The following TMEM178B variants were observed in gnomAD, a reference collection of about 807,000 sequenced individuals.
TMEM178B encodes the protein transmembrane protein 178B.
Under a neutral mutation model 31.0 loss-of-function variants are expected in TMEM178B, and 5 were observed. That is an observed-to-expected ratio of 0.16 (90% CI 0.08 to 0.34). The LOEUF (loss-of-function observed/expected upper bound fraction) is 0.34. TMEM178B is among the 10% of genes least tolerant of loss of function. The pLI is 1.00. For synonymous variants in TMEM178B, 164 were observed against 164.0 expected (o/e 1.00, Z 0.00); for missense variants, 275 against 400.3 (o/e 0.69, Z 2.67).
the TMEM178B span, among the ~76,000 whole-genome samples, chr7:141,503,962 G>C: frequency 4.6e-5 from 7 of 152,184 alleles, no homozygotes; most frequent in Non-Finnish European, 5.9e-5. Context: ...GACTTCAACT[G>C]TTCTCAACAG....
At chr7:141,247,228 C>CAA (rs1436269243) in intron 2 of TMEM178B, among the ~76,000 whole-genome samples, 1 of 144,890 alleles carries the variant, frequency 6.9e-6, no homozygotes, top group African/African-American at 2.6e-5. Flanking sequence ...CACACACACA[C>CAA]AATTCAAATC....
At chr7:141,315,818 C>T (rs1247710263) in intron 2 of TMEM178B, among the ~76,000 whole-genome samples, 1 of 152,174 alleles carries the variant, frequency 6.6e-6, no homozygotes, top group Non-Finnish European at 1.5e-5. Context: ...GGACTTCTAC[C>T]TTATTTTAAT....
chr7:141,473,718 T>G lies in TMEM178B; in HGVS notation c.*2932T>G, dbSNP rs531009408. ...TGACTTCTTTGATAGCAGGACCAGA[T>G]AAATACGAACACACTTTGGGATCTG... is the stretch of plus-strand genomic sequence containing the variant. On this transcript the variant is annotated 3_prime_UTR_variant, in exon 4 of 4. Coordinates refer to ENST00000565468, the MANE Select transcript of TMEM178B (RefSeq NM_001195278.2). 1 of 152,288 alleles carries G rather than the reference T, an allele frequency of 6.6e-6. No individual in the cohort carries two copies. The highest frequency in any genetic ancestry group is 2.1e-4 in the South Asian group (1 of 4,816). 9.4% of individuals were successfully genotyped at this position (152,288 alleles called of 1,614,324 possible). A position where few individuals can be genotyped will look rare whatever the true frequency, so the allele number is the denominator to read the frequency against.
At chr7:141,141,380 A>G (rs1331555372) in intron 1 of TMEM178B, among the ~76,000 whole-genome samples, 1 of 152,066 alleles carries the variant, frequency 6.6e-6, no homozygotes, top group African/African-American at 2.4e-5. Flanking sequence ...CCATTTTTCC[A>G]AGGAGCCCTG....
intron 1 of TMEM178B, among the ~76,000 whole-genome samples, chr7:141,077,556 C>T (rs1414491872): frequency 1.3e-5 from 2 of 152,216 alleles, no homozygotes; most frequent in Non-Finnish European, 2.9e-5. Context: ...CCTCCAGGAC[C>T]TTCTGCCATG....
At chr7:141,103,684 G>A (rs1795095155) in intron 1 of TMEM178B, among the ~76,000 whole-genome samples, 2 of 152,064 alleles carry the variant, frequency 1.3e-5, no homozygotes, top group Admixed American at 1.3e-4. Flanking sequence ...GTAGCTTTAG[G>A]GAACAAAATT....
At chr7:141,175,394 G>A in intron 1 of TMEM178B, among the ~76,000 whole-genome samples, 1 of 152,162 alleles carries the variant, frequency 6.6e-6, no homozygotes, top group Non-Finnish European at 1.5e-5. Context: ...ATCAGGTAGT[G>A]TGATGCCTCC....
At chr7:141,189,313 C>T (rs917766) in intron 1 of TMEM178B, among the ~76,000 whole-genome samples, 111,797 of 152,226 alleles carry the variant, frequency 0.73, 41,733 homozygotes, top group African/African-American at 0.84. Context: ...TGCAGGGGCA[C>T]CCAGAGTAGA....
At chr7:141,425,796 T>C (rs1181731) in intron 2 of TMEM178B, among the ~76,000 whole-genome samples, 86,257 of 152,078 alleles carry the variant, frequency 0.57, 24,838 homozygotes, top group South Asian at 0.67. Flanking sequence ...GTCAGCCTCA[T>C]ATAATATCCC....
At chr7:141,244,048 C>A (rs563398121) in intron 2 of TMEM178B, among the ~76,000 whole-genome samples, 1 of 152,300 alleles carries the variant, frequency 6.6e-6, no homozygotes, top group South Asian at 2.1e-4. Flanking sequence ...GCAGTTCAGT[C>A]TTATTCAGTT....
intron 2 of TMEM178B, among the ~76,000 whole-genome samples, chr7:141,434,194 C>T (rs1801491392): frequency 6.6e-6 from 1 of 152,176 alleles, no homozygotes; most frequent in Admixed American, 6.5e-5. Context: ...TTTTTCTGCC[C>T]AGCCCACTTT....
chr7:141,313,022 GTC>G (rs1466044845), intron 2 of TMEM178B, among the ~76,000 whole-genome samples: 1 of 152,176 alleles, frequency 6.6e-6, no homozygotes, highest in Non-Finnish European at 1.5e-5. Flanking sequence ...AGCCCAGTAG[GTC>G]TCAGCCTTAT....
chr7:141,486,497 G>T, the TMEM178B span, among the ~76,000 whole-genome samples: 2 of 152,162 alleles, frequency 1.3e-5, no homozygotes, highest in Non-Finnish European at 2.9e-5. Context: ...AGTCCATCTT[G>T]TGTTGTCACT....
chr7:141,361,901 A>C (rs1799923796), intron 2 of TMEM178B, among the ~76,000 whole-genome samples: 1 of 152,228 alleles, frequency 6.6e-6, no homozygotes, highest in South Asian at 2.1e-4. Context: ...AGGCCTTAGA[A>C]TTTGCAAACC....
intron 2 of TMEM178B, among the ~76,000 whole-genome samples, chr7:141,362,454 G>A (rs928628408): frequency 7.2e-5 from 11 of 152,068 alleles, no homozygotes; most frequent in Non-Finnish European, 1.0e-4. Context: ...CTATAAAACC[G>A]CTGCTTTCCT....
chr7:141,219,213 A>G (rs560540150), intron 2 of TMEM178B, among the ~76,000 whole-genome samples: 31 of 152,142 alleles, frequency 2.0e-4, no homozygotes, highest in African/African-American at 7.5e-4. Context: ...CCCATCTCAG[A>G]CCTCAGAGGA....
At chr7:141,229,472 A>C (rs1033891576) in intron 2 of TMEM178B, among the ~76,000 whole-genome samples, 1 of 152,114 alleles carries the variant, frequency 6.6e-6, no homozygotes, top group Non-Finnish European at 1.5e-5. Flanking sequence ...TCCTCATTAC[A>C]TTAATGGTTT....
chr7:141,410,155 T>G (rs1009012645), intron 2 of TMEM178B, among the ~76,000 whole-genome samples: 42 of 152,214 alleles, frequency 2.8e-4, no homozygotes, highest in African/African-American at 9.6e-4. Flanking sequence ...AAGGGGCATG[T>G]GTTTCTATTC....
At chr7:141,294,804 T>C (rs922240949) in intron 2 of TMEM178B, among the ~76,000 whole-genome samples, 6 of 152,206 alleles carry the variant, frequency 3.9e-5, no homozygotes, top group Non-Finnish European at 7.3e-5. Context: ...ATTTCTCTCA[T>C]ATAGAATATA....
Sources: gnomAD v4.1 joint callset for allele counts (sites outside exome capture counted in the v4.1 genomes callset) on GRCh38, gnomAD v4.1.1 for gene constraint, MANE v1.5 for transcripts, NCBI Gene and HGNC (gene_info 2026-07-23, HGNC 2026-07-21) for gene names.